COL27A1: variants seen among roughly 807,000 people sequenced by gnomAD.
COL27A1 encodes the protein collagen type XXVII alpha 1 chain, also known as collagen alpha-1(XXVII) chain.
A neutral mutation model predicts 251.3 loss-of-function variants in COL27A1; 106 were observed. The observed-to-expected ratio is 0.42, with a 90% CI of 0.36 to 0.50. The LOEUF (loss-of-function observed/expected upper bound fraction) is 0.50. COL27A1 is among the 20% of genes least tolerant of loss of function. The probability of loss-of-function intolerance (pLI) is 0.00; values close to 1 mark genes in which losing one functional copy is unlikely to be tolerated. For missense variants in COL27A1, 2,325 were observed against 2,522.8 expected, an observed-to-expected ratio of 0.92 and a Z score of 1.68; for synonymous variants, 1,000 against 986.3, an observed-to-expected ratio of 1.01 and a Z score of -0.26.
intron 10 of COL27A1, among the ~76,000 whole-genome samples, chr9:114,207,818 T>A (rs1830069358): frequency 6.6e-6 from 1 of 152,234 alleles, no homozygotes; most frequent in Non-Finnish European, 1.5e-5. Context: ...CCAATTATTT[T>A]CTCACCTGTA....
chr9:114,305,423 C>G (rs1272749047), intron 57 of COL27A1, among the ~76,000 whole-genome samples: 1 of 152,198 alleles, frequency 6.6e-6, no homozygotes, highest in Non-Finnish European at 1.5e-5. Flanking sequence ...CCTTCCATCC[C>G]TAGAAGCCAG....
rs184354960 is a variant in COL27A1, at chr9:114,301,499, G to A, written c.4809+37G>A. ...GGGCATGAGGGCTGTGGGGCGGGGC[G>A]TGGGGCGGGCACCCTGCATTCTCCT... On this transcript the variant is annotated intron_variant, in intron 54 of 60. Transcript: ENST00000356083. 162 of 1,585,062 alleles carry A rather than the reference G, an allele frequency of 1.0e-4. No homozygotes were observed. The African/African-American group carries it at 1.9e-3, about 19-fold the overall frequency.
At chr9:114,306,460 T>C in intron 57 of COL27A1, 60 bp from the exon 58 acceptor site, 1 of 1,574,388 alleles carries the variant, frequency 6.4e-7, no homozygotes, top group Non-Finnish European at 8.7e-7. Flanking sequence ...CTGTGGAGGC[T>C]TGAACCCCAG....
intron 15 of COL27A1, 47 bp downstream of exon 15, chr9:114,231,179 A>G (rs1300267865): frequency 1.3e-6 from 2 of 1,561,694 alleles, no homozygotes; most frequent in Non-Finnish European, 1.8e-6. Context: ...CAAGCTGGGC[A>G]CCCCCGACCC....
At chr9:114,216,347 T>C (rs534366476) in intron 12 of COL27A1, among the ~76,000 whole-genome samples, 12 of 152,350 alleles carry the variant, frequency 7.9e-5, no homozygotes, top group African/African-American at 2.6e-4. Context: ...AGGTCCCTGC[T>C]GCTGGCCAGG....
In COL27A1 at chr9:114,310,663, C is replaced by T. The variant is rs1027693892; in HGVS notation, c.5551C>T (p.Arg1851Cys). 10 of 1,614,202 alleles carry T rather than the reference C, an allele frequency of 6.2e-6. No individual in the cohort carries two copies. Among genetic ancestry groups the T allele is most frequent in the Non-Finnish European group, 7.6e-6 (9 of 1,180,034 alleles). The change falls in exon 61 of 61, where the codon CGC becomes TGC. Residue 1851 changes from arginine to cysteine, a missense_variant. By Grantham distance (180) the Arg-to-Cys change is radical (BLOSUM62 -3). Coordinates refer to ENST00000356083, the MANE Select transcript of COL27A1 (RefSeq NM_032888.4). ...LPPASSGKQY[R>C]LEVGPACFL is the part of the protein sequence containing the mutation. ...TCCTGCCTCATCAGGGAAGCAGTAC[C>T]GCCTGGAAGTTGGACCTGCGTGCTT...
intron 10 of COL27A1, chr9:114,209,467 A>G (rs1288139869): frequency 5.2e-6 from 4 of 776,158 alleles, no homozygotes; most frequent in Admixed American, 3.4e-5. Context: ...TTTGGACTAC[A>G]TCGTGGAAGC....
chr9:114,197,629 C>T (rs766037501), intron 7 of COL27A1, among the ~76,000 whole-genome samples: 13 of 152,194 alleles, frequency 8.5e-5, no homozygotes, highest in Non-Finnish European at 1.6e-4. Context: ...CCAGCTCCTC[C>T]CTGGGGTGCC....
At chr9:114,300,477 G>A in intron 50 of COL27A1, 148 bp from the exon 51 acceptor site, 2 of 588,866 alleles carry the variant, frequency 3.4e-6, no homozygotes, top group South Asian at 2.3e-5. Flanking sequence ...ATAATTGTAG[G>A]TGTTTCTTAC....
In COL27A1 at chr9:114,290,251, G is replaced by T; in HGVS notation, c.4288G>T (p.Gly1430Cys). The T allele has an allele frequency of 1.3e-6, 2 of 1,573,776 alleles. No individual in the cohort carries two copies. Among genetic ancestry groups the T allele is most frequent in the Non-Finnish European group, 1.7e-6 (2 of 1,159,418 alleles). Residue 1430 changes from glycine to cysteine, a missense_variant, in exon 47 of 61, where the codon GGC becomes TGC. Transcript: ENST00000356083. The surrounding 1 kb of genome is among the most constrained non-coding windows in gnomAD (Gnocchi z 4.6). The part of the protein sequence containing the change: ...QGLQGLPGPR[G>C]VVGRQGLEGI... ...CCTGCAGGGGCTGCCAGGGCCCCGG[G>T]GCGTGGTGGGGAGACAGGGCCTCGA... is the stretch of plus-strand genomic sequence containing the variant.
chr9:114,171,469 CTT>C lies in COL27A1; in HGVS notation c.1908+2016_1908+2017del, dbSNP rs10708471. 1.7e-3 allele frequency among the ~76,000 whole-genome samples: 251 copies of C among 147,562 alleles called. 2 individuals are homozygous for C. In the South Asian group the frequency reaches 0.032, roughly 19 times the overall value. On this transcript the variant is annotated intron_variant, in intron 3 of 60. Transcript: ENST00000356083. The stretch of plus-strand genomic sequence containing the variant: ...GGCTCAACATCTAAAGAATCTTTTT[CTT>C]TTTTTTTTTAGAGACAGGGTCTCAC...
intron 49 of COL27A1, among the ~76,000 whole-genome samples, chr9:114,299,224 T>C (rs998987023): frequency 5.9e-5 from 9 of 152,190 alleles, no homozygotes; most frequent in Non-Finnish European, 1.0e-4. Flanking sequence ...TATTATCCTA[T>C]TTTACAGATG....
Position 114,309,511 on chromosome 9 carries a change from G to A in COL27A1, c.5436+33G>A, listed in dbSNP as rs372559696. 9.7e-5 allele frequency: 151 copies of A among 1,561,002 alleles called. 1 individual carries two copies. The African/African-American group carries it at 1.9e-3, about 19-fold the overall frequency. On this transcript the variant is annotated intron_variant, in intron 60 of 60. Transcript: ENST00000356083. The stretch of plus-strand genomic sequence containing the variant: ...TCAGAGCCCCTCCTAGGCCCTTCAT[G>A]TGGGGACAACTGGAAAAACACTTGT...
chr9:114,199,925 G>A (rs547509317), intron 7 of COL27A1, among the ~76,000 whole-genome samples: 1 of 152,162 alleles, frequency 6.6e-6, no homozygotes, highest in Non-Finnish European at 1.5e-5. Context: ...ATGATGCATG[G>A]AACAAAACTG....
At chr9:114,173,730 A>G (rs574758571) in intron 3 of COL27A1, among the ~76,000 whole-genome samples, 8 of 152,120 alleles carry the variant, frequency 5.3e-5, no homozygotes, top group Admixed American at 2.6e-4. Context: ...TAAAGCACAT[A>G]TGAAACCTGG....
intron 41 of COL27A1, 117 bp from the exon 42 acceptor site, chr9:114,288,338 C>A: frequency 9.5e-7 from 1 of 1,055,536 alleles, no homozygotes; most frequent in Non-Finnish European, 1.4e-6. Context: ...AGTTTGTGTC[C>A]CCATCTGTAA....
At chr9:114,213,712 C>T (rs1039815767) in intron 12 of COL27A1, among the ~76,000 whole-genome samples, 10 of 152,202 alleles carry the variant, frequency 6.6e-5, no homozygotes, top group African/African-American at 1.7e-4. Context: ...GAACCACATG[C>T]GATTCTCCCA....
At chr9:114,186,273 A>G (rs73560601) in intron 5 of COL27A1, among the ~76,000 whole-genome samples, 41,947 of 152,208 alleles carry the variant, frequency 0.28, 5,978 homozygotes, top group South Asian at 0.36. Flanking sequence ...AGAATGAGGC[A>G]GAGAAGCTAG....
intron 3 of COL27A1, among the ~76,000 whole-genome samples, chr9:114,173,831 G>T (rs1249352862): frequency 6.6e-6 from 1 of 152,106 alleles, no homozygotes; most frequent in East Asian, 1.9e-4. Flanking sequence ...GGAGGGTCTG[G>T]ACATAGTCTC....
Sources: allele counts gnomAD v4.1 joint callset (sites outside exome capture counted in the v4.1 genomes callset), GRCh38; gene constraint gnomAD v4.1.1; non-coding constraint Gnocchi (gnomAD v3.1); transcripts MANE v1.5; gene names NCBI Gene and HGNC (gene_info 2026-07-23, HGNC 2026-07-21).